The following FRAS1 variants were observed in gnomAD, a reference collection of about 807,000 sequenced individuals.
The protein encoded by FRAS1 is Fraser extracellular matrix complex subunit 1.
A neutral mutation model predicts 435.2 loss-of-function variants in FRAS1; 290 were observed. The observed-to-expected ratio is 0.67, with a 90% CI of 0.61 to 0.73. FRAS1 has a LOEUF of 0.73. FRAS1 is among the 30% of genes least tolerant of loss of function. The pLI is 0.00. For synonymous variants in FRAS1, 1,800 were observed against 1,851.0 expected, an observed-to-expected ratio of 0.97 and a Z score of 0.71; for missense variants, 4,860 against 5,001.5, an observed-to-expected ratio of 0.97 and a Z score of 0.85.
intron 2 of FRAS1, among the ~76,000 whole-genome samples, chr4:78,209,110 A>G (rs956246104): frequency 6.6e-6 from 1 of 151,812 alleles, no homozygotes; most frequent in Non-Finnish European, 1.5e-5. Context: ...GTGCCATGAC[A>G]CTCCAGCCTG....
chr4:78,311,093 C>T (rs576872030), intron 15 of FRAS1, among the ~76,000 whole-genome samples: 8 of 125,544 alleles, frequency 6.4e-5, no homozygotes, highest in South Asian at 2.7e-4. Flanking sequence ...AAGGGCTTTT[C>T]GGGCTGCAGC....
chr4:78,533,063 T>C (rs1383711408), intron 70 of FRAS1, among the ~76,000 whole-genome samples: 4 of 152,186 alleles, frequency 2.6e-5, no homozygotes, highest in South Asian at 4.1e-4. Context: ...ATCCATACTG[T>C]TTTACATAAT....
chr4:78,273,019 G>A (rs1177207112), intron 9 of FRAS1, among the ~76,000 whole-genome samples: 2 of 152,098 alleles, frequency 1.3e-5, no homozygotes, highest in Non-Finnish European at 2.9e-5. Flanking sequence ...TCCTTGAAGA[G>A]GTCCTTCATA....
intron 18 of FRAS1, among the ~76,000 whole-genome samples, chr4:78,321,559 T>C (rs912254635): frequency 1.4e-4 from 21 of 152,088 alleles, no homozygotes; most frequent in Admixed American, 2.6e-4. Context: ...AAGATTAGAA[T>C]CTGACTGGGT....
intron 29 of FRAS1, among the ~76,000 whole-genome samples, chr4:78,388,504 T>C (rs1188410269): frequency 9.2e-5 from 14 of 151,508 alleles, no homozygotes; most frequent in Admixed American, 9.2e-4. Context: ...TAGGAGCCAA[T>C]AAAGAGCATT....
intron 2 of FRAS1, among the ~76,000 whole-genome samples, chr4:78,123,229 A>G (rs1272041461): frequency 1.3e-5 from 2 of 152,230 alleles, no homozygotes; most frequent in East Asian, 1.9e-4. Flanking sequence ...TGTATTAAAT[A>G]GGGAATCTTT....
intron 9 of FRAS1, among the ~76,000 whole-genome samples, chr4:78,269,472 T>A (rs1316078920): frequency 6.6e-6 from 1 of 152,236 alleles, no homozygotes; most frequent in Non-Finnish European, 1.5e-5. Context: ...GGATTAAGTG[T>A]AAGTGCAATG....
intron 2 of FRAS1, among the ~76,000 whole-genome samples, chr4:78,232,780 G>A (rs903235615): frequency 2.0e-5 from 3 of 152,116 alleles, no homozygotes; most frequent in African/African-American, 7.2e-5. Flanking sequence ...TTTTGTGTGG[G>A]TAAACAAACT....
intron 45 of FRAS1, among the ~76,000 whole-genome samples, chr4:78,451,067 G>A (rs972071412): frequency 6.6e-6 from 1 of 151,232 alleles, no homozygotes; most frequent in Admixed American, 6.6e-5. Context: ...CTTTAGTGAA[G>A]GGGAGTGGAA....
chr4:78,315,622 C>A lies in FRAS1; in HGVS notation c.1707C>A (p.Gly569=), dbSNP rs370764502. ...GTGACCAATCCTGTGACAGTTGTGG[C>A]CCCAGTAGCCCCAGGTGTCTTACCT... The part of the protein sequence containing the change: ...SACDQSCDSC[G]PSSPRCLTCT... The change falls in exon 16 of 74, where the codon GGC becomes GGA. Residue 569 remains glycine (G), a synonymous_variant. Transcript: ENST00000512123. 7.5e-5 allele frequency: 121 copies of A among 1,612,738 alleles called. No individual in the cohort carries two copies. The highest frequency in any genetic ancestry group is 9.2e-5 in the Non-Finnish European group (109 of 1,179,434).
In FRAS1 at chr4:78,400,518, C is replaced by G. The variant is rs146172207; in HGVS notation, c.3976-216C>G. On this transcript the variant is annotated intron_variant, in intron 29 of 73. Coordinates refer to ENST00000512123, the MANE Select transcript of FRAS1 (RefSeq NM_025074.7). ...AAATAAGTTGTTGGTTCATGATAAA[C>G]TAAAAGAAAAAGCAGGATATATACA... 9.2e-5 allele frequency among the ~76,000 whole-genome samples: 14 copies of G among 152,112 alleles called. No individual in the cohort carries two copies. In the East Asian group the frequency reaches 2.7e-3, roughly 29 times the overall value.
At chr4:78,152,083 G>A (rs1331230633) in intron 2 of FRAS1, among the ~76,000 whole-genome samples, 2 of 152,158 alleles carry the variant, frequency 1.3e-5, no homozygotes, top group African/African-American at 2.4e-5. Context: ...TGCTAAGTCA[G>A]TATTTGCCTG....
intron 33 of FRAS1, among the ~76,000 whole-genome samples, chr4:78,421,134 C>T (rs1027813493): frequency 6.6e-6 from 1 of 151,450 alleles, no homozygotes. Flanking sequence ...TTTACACCTG[C>T]TTTAGTTTTT....
rs199532984 is a variant in FRAS1, at chr4:78,315,834, AT to A, written c.1819+101del. The A allele has an allele frequency of 3.1e-3, 3,838 of 1,251,050 alleles. 88 individuals carry two copies. The African/African-American group carries it at 0.047, about 15-fold the overall frequency. 77.5% of individuals were successfully genotyped at this position (1,251,050 alleles called of 1,614,324 possible). A position where few individuals can be genotyped will look rare whatever the true frequency, so the allele number is the denominator to read the frequency against. ...GCTAATTTGGGAACTCGAGTGTATG[AT>A]GGGAAAGCATAACTTTAAAAGATAG... On this transcript the variant is annotated intron_variant, in intron 16 of 73. Transcript: ENST00000512123.
chr4:78,248,374 G>A (rs1366800516), intron 4 of FRAS1, among the ~76,000 whole-genome samples: 1 of 152,138 alleles, frequency 6.6e-6, no homozygotes, highest in African/African-American at 2.4e-5. Flanking sequence ...GTGAAAGGGA[G>A]GGGAAAGGAC....
intron 28 of FRAS1, among the ~76,000 whole-genome samples, chr4:78,385,390 T>C (rs1441273388): frequency 2.0e-5 from 3 of 152,158 alleles, no homozygotes; most frequent in Non-Finnish European, 4.4e-5. Context: ...TGTTTTTATA[T>C]CTTTGGTCCA....
At chr4:78,311,746 T>A (rs1031045655) in intron 15 of FRAS1, among the ~76,000 whole-genome samples, 9 of 152,220 alleles carry the variant, frequency 5.9e-5, no homozygotes, top group African/African-American at 2.2e-4. Flanking sequence ...GATTCTGATT[T>A]TTTCTGGTCA....
intron 15 of FRAS1, among the ~76,000 whole-genome samples, chr4:78,309,906 A>C (rs948413546): frequency 6.6e-6 from 1 of 152,196 alleles, no homozygotes; most frequent in Non-Finnish European, 1.5e-5. Flanking sequence ...GTAGCTCATA[A>C]AACTTTCTTG....
At chr4:78,365,917 A>G (rs1731250692) in intron 22 of FRAS1, among the ~76,000 whole-genome samples, 1 of 151,504 alleles carries the variant, frequency 6.6e-6, no homozygotes, top group African/African-American at 2.4e-5. Flanking sequence ...GTGAGCTGAG[A>G]TCACGCCATT....
Sources: allele counts gnomAD v4.1 joint callset (sites outside exome capture counted in the v4.1 genomes callset), GRCh38; gene constraint gnomAD v4.1.1; transcripts MANE v1.5; gene names NCBI Gene and HGNC (gene_info 2026-07-23, HGNC 2026-07-21).